EFNA5: variants seen among roughly 807,000 people sequenced by gnomAD.
EFNA5 encodes the protein ephrin A5, also known as ephrin-A5.
In EFNA5, 5 loss-of-function variants were observed where a neutral mutation model predicts 22.9. The ratio of observed to expected loss-of-function variants is 0.22; its 90% confidence interval spans 0.11 to 0.46. The LOEUF is 0.46. EFNA5 is among the 20% of genes least tolerant of loss of function. EFNA5 has a pLI of 0.99. For missense variants in EFNA5, 237 were observed against 293.3 expected (o/e 0.81, Z 1.40); for synonymous variants, 113 against 112.2 (o/e 1.01, Z -0.04).
intron 1 of EFNA5, among the ~76,000 whole-genome samples, chr5:107,543,255 A>G (rs1295748950): frequency 6.6e-6 from 1 of 152,222 alleles, no homozygotes; most frequent in East Asian, 1.9e-4. Context: ...GTAGAAGGGA[A>G]AAAAAGCTGG....
chr5:107,646,137 C>G (rs1186799794), intron 1 of EFNA5, among the ~76,000 whole-genome samples: 1 of 152,032 alleles, frequency 6.6e-6, no homozygotes, highest in Non-Finnish European at 1.5e-5. Context: ...TAATTAGTAT[C>G]TAAGGTATAG....
chr5:107,661,168 A>G (rs1454816474), intron 1 of EFNA5, among the ~76,000 whole-genome samples: 1 of 152,112 alleles, frequency 6.6e-6, no homozygotes, highest in African/African-American at 2.4e-5. Flanking sequence ...TAGCTAAATA[A>G]AGCAGGCAAA....
intron 1 of EFNA5, among the ~76,000 whole-genome samples, chr5:107,431,177 GTT>G (rs1748947659): frequency 6.6e-6 from 1 of 152,230 alleles, no homozygotes; most frequent in East Asian, 1.9e-4. Flanking sequence ...AATTCATATA[GTT>G]TAGTAATGTA....
At chr5:107,479,044 C>G (rs555930208) in intron 1 of EFNA5, among the ~76,000 whole-genome samples, 1 of 152,246 alleles carries the variant, frequency 6.6e-6, no homozygotes, top group East Asian at 1.9e-4. Flanking sequence ...AAAAAATAAT[C>G]TGTAAATGAC....
At chr5:107,626,732 A>C (rs1400256402) in intron 1 of EFNA5, among the ~76,000 whole-genome samples, 1 of 152,216 alleles carries the variant, frequency 6.6e-6, no homozygotes, top group Admixed American at 6.5e-5. Flanking sequence ...ATGTTTCTTT[A>C]TTAAACTCTG....
chr5:107,511,227 T>A (rs1315184175), intron 1 of EFNA5, among the ~76,000 whole-genome samples: 1 of 152,172 alleles, frequency 6.6e-6, no homozygotes. Context: ...GGTTTCACCA[T>A]GTTGGTCAGG....
chr5:107,579,899 G>A (rs1383397963), intron 1 of EFNA5, among the ~76,000 whole-genome samples: 1 of 152,176 alleles, frequency 6.6e-6, no homozygotes, highest in Non-Finnish European at 1.5e-5. Context: ...ATAACAAAGA[G>A]ACAGATGTTT....
chr5:107,639,291 T>C (rs1750451873), intron 1 of EFNA5, among the ~76,000 whole-genome samples: 1 of 152,204 alleles, frequency 6.6e-6, no homozygotes, highest in African/African-American at 2.4e-5. Flanking sequence ...TTCGGTAAGA[T>C]GACATATACC....
chr5:107,481,775 G>A (rs1205676268), intron 1 of EFNA5, among the ~76,000 whole-genome samples: 7 of 151,640 alleles, frequency 4.6e-5, no homozygotes, highest in Non-Finnish European at 5.9e-5. Context: ...ACTTGAACCC[G>A]GGAGGCAGAG....
In EFNA5 at chr5:107,381,130, A is replaced by G. The variant is rs1747444346; in HGVS notation, c.*125T>C. The G allele has an allele frequency of 3.6e-6, 5 of 1,372,960 alleles. No individual in the cohort carries two copies. The highest frequency in any genetic ancestry group is 2.1e-4 in the Middle Eastern group (1 of 4,878). 85.0% of individuals were successfully genotyped at this position (1,372,960 alleles called of 1,614,324 possible). On this transcript the variant is annotated 3_prime_UTR_variant, in exon 5 of 5. Coordinates refer to ENST00000333274, the MANE Select transcript of EFNA5 (RefSeq NM_001962.3). Reference sequence around the variant, plus strand: ...GCTTAGAATTCAGGCTGAAAGAAAGAAAACAAAAATCTGACATCTGCCAAA... The same window carrying G: ...GCTTAGAATTCAGGCTGAAAGAAAGGAAACAAAAATCTGACATCTGCCAAA...
At chr5:107,510,495 G>C (rs1026659470) in intron 1 of EFNA5, among the ~76,000 whole-genome samples, 1 of 151,996 alleles carries the variant, frequency 6.6e-6, no homozygotes, top group African/African-American at 2.4e-5. Context: ...TTTACTCTAG[G>C]GACTTGCACC....
intron 1 of EFNA5, among the ~76,000 whole-genome samples, chr5:107,646,544 AG>A (rs1163727112): frequency 2.0e-5 from 3 of 152,168 alleles, no homozygotes; most frequent in Non-Finnish European, 4.4e-5. Flanking sequence ...GGGATAGTAA[AG>A]GGTAATACTG....
intron 1 of EFNA5, among the ~76,000 whole-genome samples, chr5:107,661,588 G>A (rs1013911469): frequency 6.6e-6 from 1 of 152,118 alleles, no homozygotes; most frequent in Admixed American, 6.5e-5. Flanking sequence ...ACAATAGAAG[G>A]GGAACTAGGC....
At chr5:107,670,298 C>T (rs1044403811) in intron 1 of EFNA5, among the ~76,000 whole-genome samples, 191 bp downstream of exon 1, 1 of 152,140 alleles carries the variant, frequency 6.6e-6, no homozygotes. Context: ...CTGGCCTTTC[C>T]GCGGCGGCTT....
chr5:107,618,919 AC>A (rs896474445), intron 1 of EFNA5, among the ~76,000 whole-genome samples: 2 of 149,962 alleles, frequency 1.3e-5, no homozygotes, highest in African/African-American at 2.5e-5. Flanking sequence ...CCAGTTGTGT[AC>A]TCTTTTTTTT....
intron 1 of EFNA5, among the ~76,000 whole-genome samples, chr5:107,560,043 T>C (rs1306807522): frequency 6.6e-6 from 1 of 152,194 alleles, no homozygotes; most frequent in African/African-American, 2.4e-5. Flanking sequence ...AAACACTTGG[T>C]ATTCTAAGAG....
intron 2 of EFNA5, among the ~76,000 whole-genome samples, chr5:107,407,120 TGG>T (rs1561372945): frequency 6.6e-6 from 1 of 152,162 alleles, no homozygotes; most frequent in Non-Finnish European, 1.5e-5. Context: ...ACTAATAACT[TGG>T]TAGTTATTTT....
At chr5:107,442,961 A>T (rs153686) in intron 1 of EFNA5, among the ~76,000 whole-genome samples, 34,853 of 148,354 alleles carry the variant, frequency 0.23, 4,486 homozygotes, top group East Asian at 0.52. Flanking sequence ...AAACCCTGTG[A>T]ATTATAAATA....
chr5:107,395,055 G>T (rs1194573425), intron 2 of EFNA5, among the ~76,000 whole-genome samples: 1 of 7,818 alleles, frequency 1.3e-4, no homozygotes, highest in Admixed American at 1.6e-3. Flanking sequence ...TTTTTTTTCC[G>T]CGAGACAGTG....
Sources: allele counts gnomAD v4.1 joint callset (sites outside exome capture counted in the v4.1 genomes callset), GRCh38; gene constraint gnomAD v4.1.1; transcripts MANE v1.5; gene names NCBI Gene and HGNC (gene_info 2026-07-23, HGNC 2026-07-21).